The following MMGT1 variants were observed in gnomAD, a reference collection of about 807,000 sequenced individuals.
The protein encoded by MMGT1 is ER membrane protein complex subunit 5.
A neutral mutation model predicts 11.7 loss-of-function variants in MMGT1; 2 were observed. That is an observed-to-expected ratio of 0.17 (90% confidence interval 0.07 to 0.54). MMGT1 has a LOEUF of 0.54. Among genes scored for constraint, MMGT1 ranks in the 20% least tolerant of loss-of-function variants. The pLI, the probability that MMGT1 is intolerant of heterozygous loss-of-function variation, is 0.94. For missense variants in MMGT1, 74 were observed against 109.0 expected, an observed-to-expected ratio of 0.68 and a Z score of 1.43; for synonymous variants, 49 against 44.4, an observed-to-expected ratio of 1.10 and a Z score of -0.41.
chrX:135,961,852 ACAT>A lies in MMGT1; in HGVS notation c.*3169_*3171del, dbSNP rs1392884006. On this transcript the variant is annotated 3_prime_UTR_variant, in exon 4 of 4. Coordinates refer to ENST00000305963, the MANE Select transcript of MMGT1 (RefSeq NM_173470.3). ...CCAAAGGGCATTTGATGATTTATAA[ACAT>A]CATCAAGATTATACATTCTATTTTG... Among the ~76,000 whole-genome samples, 2 of 111,732 alleles carry A rather than the reference ACAT, an allele frequency of 1.8e-5. No individual in the cohort carries two copies. The highest frequency in any genetic ancestry group is 5.5e-4 in the East Asian group (2 of 3,613).
At chrX:135,968,375 C>T (rs1164397681) in intron 2 of MMGT1, among the ~76,000 whole-genome samples, 4 of 110,637 alleles carry the variant, frequency 3.6e-5, no homozygotes, top group African/African-American at 9.9e-5. Flanking sequence ...ATAATTTTAC[C>T]AGCTATTAAA....
intron 2 of MMGT1, among the ~76,000 whole-genome samples, chrX:135,969,988 G>A (rs782499054): frequency 8.9e-6 from 1 of 111,946 alleles, no homozygotes; most frequent in East Asian, 2.8e-4. Context: ...CTGTTACAAA[G>A]AACTTACTAC....
chrX:135,965,231 C>A, intron 3 of MMGT1, 48 bp from the exon 4 acceptor site: 1 of 1,036,584 alleles, frequency 9.6e-7, no homozygotes, highest in Non-Finnish European at 1.3e-6. Context: ...TTTATAAAAC[C>A]CTACTTGAAA....
intron 2 of MMGT1, among the ~76,000 whole-genome samples, chrX:135,969,697 G>C (rs1211440226): frequency 8.9e-6 from 1 of 112,148 alleles, no homozygotes; most frequent in African/African-American, 3.2e-5. Context: ...TATATGAGCT[G>C]TCATGAAAGT....
chrX:135,971,890 C>T (rs1159695749), intron 1 of MMGT1, among the ~76,000 whole-genome samples: 4 of 112,251 alleles, frequency 3.6e-5, no homozygotes, highest in African/African-American at 1.3e-4. Flanking sequence ...TAAAGAAGCC[C>T]GCAGTGATCA....
chrX:135,971,325 GCTGA>G (rs2089217795), intron 1 of MMGT1, among the ~76,000 whole-genome samples: 1 of 111,293 alleles, frequency 9.0e-6, no homozygotes, highest in African/African-American at 3.3e-5. Context: ...AAAAGAAGTG[GCTGA>G]CTTATATGCT....
intron 1 of MMGT1, 49 bp downstream of exon 1, chrX:135,973,548 C>T (rs782051537): frequency 1.0e-5 from 11 of 1,056,832 alleles, no homozygotes; most frequent in South Asian, 2.0e-5. Context: ...GCCCACACAC[C>T]GCCCCTAGGG....
intron 1 of MMGT1, among the ~76,000 whole-genome samples, chrX:135,971,583 T>C (rs1556612605): frequency 8.9e-6 from 1 of 112,248 alleles, no homozygotes; most frequent in Non-Finnish European, 1.9e-5. Context: ...GAAATCACAA[T>C]TATTTAAAAA....
At chrX:135,971,028 C>T in intron 2 of MMGT1, 30 bp downstream of exon 2, 4 of 1,033,370 alleles carry the variant, frequency 3.9e-6, no homozygotes, top group South Asian at 4.1e-5. Flanking sequence ...TTTAAACATA[C>T]ATGTAACGGA....
At chrX:135,973,063 C>G (rs781897358) in intron 1 of MMGT1, among the ~76,000 whole-genome samples, 1 of 112,307 alleles carries the variant, frequency 8.9e-6, no homozygotes, top group Admixed American at 9.4e-5. Flanking sequence ...CGCAGTGTAG[C>G]ACAAATCTTT....
chrX:135,964,525 A>C lies in MMGT1; in HGVS notation c.*499T>G, dbSNP rs782453676. The C allele has an allele frequency of 1.8e-5, 2 of 112,689 alleles. No individual in the cohort carries two copies. The highest frequency in any genetic ancestry group is 6.5e-5 in the African/African-American group (2 of 30,939). 9.3% of individuals were successfully genotyped at this position (112,689 alleles called of 1,213,427 possible). ...AAACTGGCAAGTACTTCTGAAGCAG[A>C]GCCACTTTTTAGGGGACACAAGAAA... is the stretch of plus-strand genomic sequence containing the variant. On this transcript the variant is annotated 3_prime_UTR_variant, in exon 4 of 4. Coordinates refer to ENST00000305963, the MANE Select transcript of MMGT1 (RefSeq NM_173470.3).
rs868969839 is a variant in MMGT1 at position 135,973,714 on chromosome X, G to A, written c.-39C>T. The A allele has an allele frequency of 2.6e-6, 3 of 1,165,274 alleles. No homozygotes were observed. In the African/African-American group the frequency reaches 5.4e-5, roughly 21 times the overall value. On this transcript the variant is annotated 5_prime_UTR_variant, in exon 1 of 4. Coordinates refer to ENST00000305963, the MANE Select transcript of MMGT1 (RefSeq NM_173470.3). ...CAGCAGCCCAGCAAAAGAAGCGAAG[G>A]ACGGCGGAGCTGTTTCTTCTTCCAC...
At chrX:135,969,144 A>ATGTATGTGTGTGTG (rs1556612331) in intron 2 of MMGT1, among the ~76,000 whole-genome samples, 2 of 100,945 alleles carry the variant, frequency 2.0e-5, no homozygotes, top group South Asian at 9.5e-4. Flanking sequence ...AAATATGTGT[A>ATGTATGTGTGTGTG]TGTGTGTGTG....
In MMGT1 at chrX:135,961,495, C is replaced by T. The variant is rs1185161067; in HGVS notation, c.*3529G>A. Among the ~76,000 whole-genome samples, 1 of 111,319 alleles carries T rather than the reference C, an allele frequency of 9.0e-6. No individual in the cohort carries two copies. Among genetic ancestry groups the T allele is most frequent in the African/African-American group, 3.3e-5 (1 of 30,607 alleles). On this transcript the variant is annotated 3_prime_UTR_variant, in exon 4 of 4. Coordinates refer to ENST00000305963, the MANE Select transcript of MMGT1 (RefSeq NM_173470.3). ...GACCAAGTTTTTATACCTTTCTGTA[C>T]CATCTGATCTTTTCGCCATGTGCAT...
chrX:135,967,967 C>T (rs1227885952), intron 2 of MMGT1, among the ~76,000 whole-genome samples: 2 of 111,279 alleles, frequency 1.8e-5, no homozygotes, highest in African/African-American at 6.5e-5. Context: ...AAGCAATTCT[C>T]CTGTTTCAGC....
chrX:135,968,428 T>C (rs2089198181), intron 2 of MMGT1, among the ~76,000 whole-genome samples: 1 of 110,567 alleles, frequency 9.0e-6, no homozygotes, highest in Admixed American at 9.7e-5. Context: ...CTTTTGCCCA[T>C]ACTGAACTTT....
intron 1 of MMGT1, among the ~76,000 whole-genome samples, chrX:135,972,217 A>G (rs1292827111): frequency 8.9e-6 from 1 of 112,454 alleles, no homozygotes; most frequent in Non-Finnish European, 1.9e-5. Flanking sequence ...GCAGTGGCAA[A>G]TCCACAAGGC....
At chrX:135,973,413 T>C (rs1284434756) in intron 1 of MMGT1, among the ~76,000 whole-genome samples, 184 bp downstream of exon 1, 2 of 112,002 alleles carry the variant, frequency 1.8e-5, no homozygotes, top group African/African-American at 6.5e-5. Context: ...TGCCACACTC[T>C]CTCCAAATTC....
chrX:135,972,539 C>T (rs1271601512), intron 1 of MMGT1, among the ~76,000 whole-genome samples: 1 of 111,968 alleles, frequency 8.9e-6, no homozygotes, highest in African/African-American at 3.3e-5. Context: ...CTACCTTTAA[C>T]CAGGAATTTC....
Sources: allele counts gnomAD v4.1 joint callset (sites outside exome capture counted in the v4.1 genomes callset), GRCh38; gene constraint gnomAD v4.1.1; transcripts MANE v1.5; gene names NCBI Gene and HGNC (gene_info 2026-07-23, HGNC 2026-07-21).